XKR6: variants seen among roughly 807,000 people sequenced by gnomAD.
The protein encoded by XKR6 is XK-related protein 6.
In XKR6, 22 loss-of-function variants were observed where a neutral mutation model predicts 56.7. That is an observed-to-expected ratio of 0.39 (90% CI 0.28 to 0.55). The LOEUF (loss-of-function observed/expected upper bound fraction) is 0.55. XKR6 is among the 20% of genes least tolerant of loss of function. The probability of loss-of-function intolerance (pLI) is 0.66; values close to 1 mark genes in which losing one functional copy is unlikely to be tolerated. For missense variants in XKR6, 852 were observed against 889.0 expected (o/e 0.96, Z 0.53); for synonymous variants, 524 against 387.8 (o/e 1.35, Z -4.13).
intron 2 of XKR6, among the ~76,000 whole-genome samples, chr8:10,902,032 A>C (rs1800048963): frequency 6.6e-6 from 1 of 152,214 alleles, no homozygotes; most frequent in African/African-American, 2.4e-5. Context: ...GTGGTTTTGA[A>C]GGCGGGTGTT....
At chr8:11,078,305 T>C (rs929944755) in intron 1 of XKR6, among the ~76,000 whole-genome samples, 6 of 152,128 alleles carry the variant, frequency 3.9e-5, no homozygotes, top group African/African-American at 1.4e-4. Flanking sequence ...GTCTAAGGGA[T>C]GTTGTCTTAC....
chr8:10,929,527 A>G (rs926865407), intron 1 of XKR6, among the ~76,000 whole-genome samples: 1 of 152,172 alleles, frequency 6.6e-6, no homozygotes, highest in Admixed American at 6.5e-5. Context: ...TTACTTCTGA[A>G]CTCAGTCCAA....
At chr8:11,109,106 C>T (rs1234090910) in intron 1 of XKR6, 2 of 152,208 alleles carry the variant, frequency 1.3e-5, no homozygotes, top group Non-Finnish European at 1.5e-5. Context: ...CCCCAAGAGA[C>T]ACATACTGAA....
chr8:10,912,250 G>A (rs1236637445), intron 2 of XKR6, among the ~76,000 whole-genome samples: 1 of 141,800 alleles, frequency 7.1e-6, no homozygotes, highest in Non-Finnish European at 1.5e-5. Flanking sequence ...GAGAGGGTGT[G>A]TGTGTATATA....
chr8:11,172,517 T>C (rs1400172646), intron 1 of XKR6, among the ~76,000 whole-genome samples: 1 of 152,174 alleles, frequency 6.6e-6, no homozygotes, highest in African/African-American at 2.4e-5. Context: ...ACAAGTACCC[T>C]TTCTCAATGA....
chr8:11,053,878 G>T (rs1799615943), intron 1 of XKR6, among the ~76,000 whole-genome samples: 1 of 152,200 alleles, frequency 6.6e-6, no homozygotes, highest in Non-Finnish European at 1.5e-5. Context: ...CCGCACTCTA[G>T]AATTTGATGA....
chr8:11,194,935 T>C lies in XKR6; in HGVS notation c.764+5641A>G. 6 of 546,896 alleles carry C rather than the reference T, an allele frequency of 1.1e-5. No homozygotes were observed. In the South Asian group the frequency reaches 1.3e-4, roughly 12 times the overall value. The allele number at this position is 546,896 out of a possible 1,614,324, so 33.9% of individuals were successfully genotyped here. Reference sequence around the variant, plus strand: ...CCAGTTGCAATTTCGCTCCAAAGCATGCCATTTTTTCATCCCCTTCCCTTG... The same window carrying C: ...CCAGTTGCAATTTCGCTCCAAAGCACGCCATTTTTTCATCCCCTTCCCTTG... On this transcript the variant is annotated intron_variant, in intron 1 of 2. Coordinates refer to ENST00000416569, the MANE Select transcript of XKR6 (RefSeq NM_173683.4).
At chr8:11,196,527 A>G (rs1191079662) in intron 1 of XKR6, among the ~76,000 whole-genome samples, 1 of 152,240 alleles carries the variant, frequency 6.6e-6, no homozygotes, top group South Asian at 2.1e-4. Context: ...TTAGACACTC[A>G]TGCTTCCAAG....
At chr8:11,159,923 C>T (rs781417024) in intron 1 of XKR6, among the ~76,000 whole-genome samples, 36 of 152,228 alleles carry the variant, frequency 2.4e-4, no homozygotes, top group Admixed American at 1.4e-3. Context: ...ACCCCAAGGG[C>T]AAGCCAAAAG....
chr8:11,103,247 C>T (rs930736586), intron 1 of XKR6, among the ~76,000 whole-genome samples: 2 of 152,030 alleles, frequency 1.3e-5, no homozygotes, highest in East Asian at 3.9e-4. Context: ...GAGAGATGAA[C>T]AAAAAAGACA....
chr8:10,950,936 C>T (rs551958017), intron 1 of XKR6, among the ~76,000 whole-genome samples: 3 of 152,308 alleles, frequency 2.0e-5, no homozygotes, highest in East Asian at 3.9e-4. Context: ...GCAGAGACGG[C>T]GAGTTACTTG....
intron 1 of XKR6, among the ~76,000 whole-genome samples, chr8:11,046,330 A>G (rs1483637294): frequency 1.3e-5 from 2 of 152,088 alleles, no homozygotes; most frequent in African/African-American, 4.8e-5. Flanking sequence ...AATCTAGGAG[A>G]CAGAGGTTGC....
At chr8:11,040,800 T>G (rs533178332) in intron 1 of XKR6, among the ~76,000 whole-genome samples, 1 of 152,200 alleles carries the variant, frequency 6.6e-6, no homozygotes, top group Admixed American at 6.5e-5. Context: ...AACACATGCA[T>G]TTGGGGGACA....
chr8:11,028,873 A>G (rs1289264964), intron 1 of XKR6, among the ~76,000 whole-genome samples: 1 of 152,172 alleles, frequency 6.6e-6, no homozygotes, highest in African/African-American at 2.4e-5. Flanking sequence ...TGGCTTGTCC[A>G]AGGTCACACT....
rs561031512 is a variant in XKR6, at chr8:11,119,705, C to A, written c.764+80871G>T. ...TATTTTGAGCCTATGTGTGTCTCTG[C>A]ACGTGAGATGGGTTTCCTGAATACA... On this transcript the variant is annotated intron_variant, in intron 1 of 2. Transcript: ENST00000416569. 6.6e-5 allele frequency among the ~76,000 whole-genome samples: 10 copies of A among 152,108 alleles called. No individual in the cohort carries two copies. In the South Asian group the frequency reaches 1.2e-3, roughly 19 times the overall value.
intron 1 of XKR6, among the ~76,000 whole-genome samples, chr8:10,943,691 C>T (rs992491070): frequency 9.9e-5 from 15 of 152,186 alleles, no homozygotes; most frequent in African/African-American, 2.2e-4. Context: ...GCCTTACGAT[C>T]GTCCTCAGAT....
At chr8:11,077,727 C>T (rs1800311371) in intron 1 of XKR6, among the ~76,000 whole-genome samples, 2 of 152,154 alleles carry the variant, frequency 1.3e-5, no homozygotes. Flanking sequence ...CAGGAGGAGT[C>T]CCATCCTGTC....
chr8:11,137,227 T>C (rs1800447400), intron 1 of XKR6: 1 of 238,136 alleles, frequency 4.2e-6, no homozygotes, highest in South Asian at 5.2e-5. Context: ...AAGAGCTGTA[T>C]GTGGTGAGGA....
At chr8:11,015,415 G>A (rs964959037) in intron 1 of XKR6, among the ~76,000 whole-genome samples, 3 of 152,074 alleles carry the variant, frequency 2.0e-5, no homozygotes, top group Non-Finnish European at 4.4e-5. Flanking sequence ...ATAGCAACAA[G>A]GACGTGTCTA....
Sources: gnomAD v4.1 joint callset for allele counts (sites outside exome capture counted in the v4.1 genomes callset) on GRCh38, gnomAD v4.1.1 for gene constraint, MANE v1.5 for transcripts, NCBI Gene and HGNC (gene_info 2026-07-23, HGNC 2026-07-21) for gene names.